Variants in CALN1 observed in about 807,000 individuals in gnomAD.
CALN1 encodes calcium-binding protein 8.
In CALN1, 17 loss-of-function variants were observed where a neutral mutation model predicts 30.6. That is an observed-to-expected ratio of 0.56 (90% CI 0.38 to 0.83). The LOEUF (loss-of-function observed/expected upper bound fraction) is 0.83, where lower values mean the gene tolerates loss of function less well. Among genes scored for constraint, CALN1 ranks in the 40% least tolerant of loss-of-function variants. The probability of loss-of-function intolerance (pLI) is 0.00; values close to 1 mark genes in which losing one functional copy is unlikely to be tolerated. For synonymous variants in CALN1, 156 were observed against 131.4 expected (o/e 1.19, Z -1.28); for missense variants, 291 against 354.9 (o/e 0.82, Z 1.45).
rs60216723 is a variant in CALN1, at chr7:71,786,041, A to T, written c.*1734T>A. On this transcript the variant is annotated 3_prime_UTR_variant, in exon 7 of 7. Transcript: ENST00000395275. Reference sequence around the variant, plus strand: ...AATATTCATAGTCTCCCACAGAGGGAAAGTTTCTACAGCTGCCCTCAGGCT... The same window carrying T: ...AATATTCATAGTCTCCCACAGAGGGTAAGTTTCTACAGCTGCCCTCAGGCT... 22 of 152,784 alleles carry T rather than the reference A, an allele frequency of 1.4e-4. No homozygotes were observed. The highest frequency in any genetic ancestry group is 5.1e-4 in the African/African-American group (21 of 41,578). 9.5% of individuals were successfully genotyped at this position (152,784 alleles called of 1,614,324 possible).
chr7:72,446,009 C>T (rs1245972905), intron 1 of CALN1, among the ~76,000 whole-genome samples: 1 of 152,100 alleles, frequency 6.6e-6, no homozygotes, highest in East Asian at 1.9e-4. Flanking sequence ...GCTCCTCTCC[C>T]AGGTGGGGAA....
chr7:72,425,964 G>C (rs1175951591), intron 1 of CALN1, among the ~76,000 whole-genome samples: 1 of 152,158 alleles, frequency 6.6e-6, no homozygotes, highest in Non-Finnish European at 1.5e-5. Flanking sequence ...AAGACATAAG[G>C]AACCACAGCT....
chr7:71,998,751 T>C (rs574995327), intron 5 of CALN1, among the ~76,000 whole-genome samples: 1 of 152,116 alleles, frequency 6.6e-6, no homozygotes, highest in African/African-American at 2.4e-5. Context: ...GAGATGAGGT[T>C]TCACCATGTT....
intron 2 of CALN1, among the ~76,000 whole-genome samples, chr7:72,370,611 C>T (rs1448832818): frequency 6.7e-6 from 1 of 149,858 alleles, no homozygotes; most frequent in Non-Finnish European, 1.5e-5. Context: ...GAGCCGAGAT[C>T]ACGCCACTGC....
At chr7:71,901,910 C>T (rs747543264) in intron 5 of CALN1, among the ~76,000 whole-genome samples, 28 of 151,998 alleles carry the variant, frequency 1.8e-4, no homozygotes, top group Admixed American at 8.5e-4. Context: ...AACCAACAAA[C>T]GGGACAATGG....
chr7:71,824,899 G>A (rs1788822158), intron 5 of CALN1, among the ~76,000 whole-genome samples: 1 of 152,046 alleles, frequency 6.6e-6, no homozygotes, highest in South Asian at 2.1e-4. Context: ...TTGAACAGCT[G>A]GAGTCCTACC....
At chr7:72,219,267 C>G (rs1411343711) in intron 3 of CALN1, among the ~76,000 whole-genome samples, 1 of 152,070 alleles carries the variant, frequency 6.6e-6, no homozygotes, top group Non-Finnish European at 1.5e-5. Context: ...CTCTGTTGCC[C>G]AAGGCTGGAG....
intron 3 of CALN1, among the ~76,000 whole-genome samples, chr7:72,135,978 C>T (rs1423243805): frequency 6.6e-6 from 1 of 151,786 alleles, no homozygotes; most frequent in Non-Finnish European, 1.5e-5. Context: ...ACTAAAACTA[C>T]AAAAATAAGC....
rs373981557 is a variant in CALN1, at chr7:71,900,744, GA to G, written c.502-90253del. Among the ~76,000 whole-genome samples the G allele has an allele frequency of 3.3e-3, 501 of 152,314 alleles. 1 individual carries two copies. The highest frequency in any genetic ancestry group is 0.012 in the African/African-American group (480 of 41,574). ...CTGAAGGAGGAATGACTGTTGGAGG[GA>G]AAGTCCCAAAGGCTGAGCAGGCATA... On this transcript the variant is annotated intron_variant, in intron 5 of 6. Transcript: ENST00000395275.
intron 2 of CALN1, among the ~76,000 whole-genome samples, chr7:72,386,875 A>C (rs567014921): frequency 6.6e-5 from 10 of 152,204 alleles, no homozygotes; most frequent in African/African-American, 2.2e-4. Flanking sequence ...AGTTCAGTAT[A>C]GATACAGATG....
rs1165479805 is a variant in CALN1, at chr7:72,412,286, A to T, written c.-302T>A. The T allele has an allele frequency of 6.6e-6, 1 of 152,058 alleles. No individual in the cohort carries two copies. The highest frequency in any genetic ancestry group is 1.5e-5 in the Non-Finnish European group (1 of 68,028). 9.4% of individuals were successfully genotyped at this position (152,058 alleles called of 1,614,324 possible). On this transcript the variant is annotated 5_prime_UTR_variant, in exon 1 of 7. Coordinates refer to ENST00000395275, the MANE Select transcript of CALN1 (RefSeq NM_031468.4). ...AGAGTAAGCAGTAAGCTTTATTAAG[A>T]AGCAGGAAAGAAAAAAACACAAACT...
chr7:72,074,950 T>C (rs1364173246), intron 4 of CALN1, among the ~76,000 whole-genome samples: 3 of 152,226 alleles, frequency 2.0e-5, no homozygotes, highest in Non-Finnish European at 4.4e-5. Flanking sequence ...CAAAAACTTA[T>C]TAATTAAATG....
chr7:72,054,546 T>TATATACATACATATATACATAC (rs1563016035), intron 4 of CALN1, among the ~76,000 whole-genome samples: 1 of 108,354 alleles, frequency 9.2e-6, no homozygotes, highest in African/African-American at 4.2e-5. Flanking sequence ...TATATATACA[T>TATATACATACATATATACATAC]ATATATATAT....
At position 72,295,702 on chromosome 7, in the gene CALN1, T is replaced by A. The variant is rs531728654; in HGVS notation, c.120-16892A>T. On this transcript the variant is annotated intron_variant, in intron 2 of 6. Coordinates refer to ENST00000395275, the MANE Select transcript of CALN1 (RefSeq NM_031468.4). ...TGTATAAGAATGCTTGTGATTTTTG[T>A]ACATTGATTTTGTATCCTGAGACTT... 2.6e-3 allele frequency among the ~76,000 whole-genome samples: 394 copies of A among 150,124 alleles called. 1 individual carries two copies. The Middle Eastern group carries it at 0.031, about 12-fold the overall frequency.
chr7:71,807,616 T>A (rs1233366133), intron 6 of CALN1, among the ~76,000 whole-genome samples: 2 of 152,156 alleles, frequency 1.3e-5, no homozygotes, highest in Non-Finnish European at 2.9e-5. Flanking sequence ...ACAGCTTTTT[T>A]AAATGAAATA....
intron 5 of CALN1, among the ~76,000 whole-genome samples, chr7:71,928,847 C>T (rs926851331): frequency 3.3e-5 from 5 of 151,330 alleles, no homozygotes; most frequent in Admixed American, 6.6e-5. Context: ...GCCAACGTGG[C>T]GAAACCCCGC....
Position 71,787,755 on chromosome 7 carries a change from G to C in CALN1, c.*20C>G. ...CACATGCGCGGTGAGCTGCAACACA[G>C]TGTGGCTGGCGGGAGGCTGCTACTC... On this transcript the variant is annotated 3_prime_UTR_variant, in exon 7 of 7. Coordinates refer to ENST00000395275, the MANE Select transcript of CALN1 (RefSeq NM_031468.4). The C allele has an allele frequency of 6.2e-7, 1 of 1,613,110 alleles. No homozygotes were observed.
At chr7:72,294,133 T>C (rs1798682461) in intron 2 of CALN1, among the ~76,000 whole-genome samples, 1 of 152,080 alleles carries the variant, frequency 6.6e-6, no homozygotes, top group African/African-American at 2.4e-5. Flanking sequence ...AGAATAATAA[T>C]GGCTTCTGAA....
chr7:72,188,918 C>A (rs968505934), intron 3 of CALN1, among the ~76,000 whole-genome samples: 1 of 152,082 alleles, frequency 6.6e-6, no homozygotes, highest in African/African-American at 2.4e-5. Flanking sequence ...ACTCCCTACA[C>A]CGCACACACA....
Sources: gnomAD v4.1 joint callset for allele counts (sites outside exome capture counted in the v4.1 genomes callset) on GRCh38, gnomAD v4.1.1 for gene constraint, MANE v1.5 for transcripts, NCBI Gene and HGNC (gene_info 2026-07-23, HGNC 2026-07-21) for gene names.